PHTF1: variants seen among roughly 807,000 people sequenced by gnomAD.
PHTF1 encodes the protein protein PHTF1.
PHTF1 carries 88 observed loss-of-function variants against 102.4 expected under a neutral mutation model. That is an observed-to-expected ratio of 0.86 (90% confidence interval 0.72 to 1.03). The LOEUF is 1.03. Ranked by LOEUF, PHTF1 falls within the 50% of genes least tolerant of loss-of-function variation. PHTF1 has a pLI of 0.00. For missense variants in PHTF1, 814 were observed against 909.5 expected, an observed-to-expected ratio of 0.89 and a Z score of 1.35; for synonymous variants, 289 against 305.2, an observed-to-expected ratio of 0.95 and a Z score of 0.55.
At chr1:113,748,352 T>G (rs1267028393) in intron 3 of PHTF1, among the ~76,000 whole-genome samples, 1 of 152,174 alleles carries the variant, frequency 6.6e-6, no homozygotes, top group Non-Finnish European at 1.5e-5. Flanking sequence ...TATTTATTAA[T>G]TTCTTCTTCT....
In PHTF1 at chr1:113,704,129, G is replaced by A. The variant is rs868253918; in HGVS notation, c.1842C>T (p.Ser614=). The change falls in exon 15 of 19, where the codon TCC becomes TCT. Residue 614 remains serine (S), a synonymous_variant. Transcript: ENST00000369604. The stretch of plus-strand genomic sequence containing the variant: ...TCGAAAGTGTCAGTAGGAAAACCGA[G>A]GATACAACCACATCAACTGAACGCT... The part of the protein sequence containing the change: ...GPQRSVDVVV[S]SVFLLTLSIA... The A allele has an allele frequency of 6.2e-7, 1 of 1,613,634 alleles. No individual in the cohort carries two copies. The highest frequency in any genetic ancestry group is 8.5e-7 in the Non-Finnish European group (1 of 1,179,644).
chr1:113,758,188 G>A (rs1659163917), intron 2 of PHTF1, among the ~76,000 whole-genome samples: 1 of 124,284 alleles, frequency 8.0e-6, no homozygotes, highest in South Asian at 2.5e-4. Flanking sequence ...CCGAGGTCGC[G>A]CCATCGCCCT....
At chr1:113,733,886 G>A (rs1186427890) in intron 5 of PHTF1, among the ~76,000 whole-genome samples, 1 of 152,198 alleles carries the variant, frequency 6.6e-6, no homozygotes, top group African/African-American at 2.4e-5. Flanking sequence ...GTGGAGACTA[G>A]ACGAATACTT....
chr1:113,710,544 A>G, intron 10 of PHTF1, 69 bp from the exon 11 acceptor site: 1 of 1,179,448 alleles, frequency 8.5e-7, no homozygotes, highest in East Asian at 2.5e-5. Context: ...AAATAAAATT[A>G]AAACAACTTA....
chr1:113,717,509 T>G (rs1652239652), intron 7 of PHTF1, among the ~76,000 whole-genome samples: 1 of 151,836 alleles, frequency 6.6e-6, no homozygotes, highest in South Asian at 2.1e-4. Flanking sequence ...AGGCTGAAAA[T>G]AAGGGGATGG....
chr1:113,713,322 G>C lies in PHTF1; in HGVS notation c.740C>G (p.Thr247Arg), dbSNP rs1469172317. The change falls in exon 8 of 19, where the codon ACA becomes AGA. Residue 247 changes from threonine (T) to arginine (R), a missense_variant. Coordinates refer to ENST00000369604, the MANE Select transcript of PHTF1 (RefSeq NM_001323043.2). ...QCRPEIRMWQ[T>R]REKAKFSDGE... Reference sequence around the variant, plus strand: ...ATCTGAAAATTTTGCTTTCTCTCTTGTTTGCCACATTCTAATCTCTGGTCG... The same window carrying C: ...ATCTGAAAATTTTGCTTTCTCTCTTCTTTGCCACATTCTAATCTCTGGTCG... 1 of 1,613,388 alleles carries C rather than the reference G, an allele frequency of 6.2e-7. No homozygotes were observed. The highest frequency in any genetic ancestry group is 1.3e-5 in the African/African-American group (1 of 74,838).
At position 113,720,696 on chromosome 1, in the gene PHTF1, C is replaced by A. The variant is rs1327335665; in HGVS notation, c.623+4063G>T. On this transcript the variant is annotated intron_variant, in intron 7 of 18. Coordinates refer to ENST00000369604, the MANE Select transcript of PHTF1 (RefSeq NM_001323043.2). ...GCAAGCTATTGGTGGATCTACCATT[C>A]TGGGGTCTTGAGGACAGTGGCCCTC... 2.6e-5 allele frequency among the ~76,000 whole-genome samples: 4 copies of A among 152,172 alleles called. No homozygotes were observed. The East Asian group carries it at 7.7e-4, about 29-fold the overall frequency.
chr1:113,736,528 G>A (rs1046208236), intron 5 of PHTF1, among the ~76,000 whole-genome samples: 1 of 151,264 alleles, frequency 6.6e-6, no homozygotes. Context: ...GTGGATCACC[G>A]GAGGTCAGGA....
chr1:113,700,718 G>A, intron 16 of PHTF1, 76 bp downstream of exon 16: 3 of 1,377,072 alleles, frequency 2.2e-6, no homozygotes, highest in Non-Finnish European at 3.0e-6. Flanking sequence ...ATTAAACCCT[G>A]AATCCTCTGC....
chr1:113,757,866 A>G (rs1659111334), intron 2 of PHTF1, 111 bp from the exon 3 acceptor site: 1 of 692,212 alleles, frequency 1.4e-6, no homozygotes, highest in Non-Finnish European at 2.6e-6. Context: ...GCTATGTGGA[A>G]AATATGCTTC....
chr1:113,727,653 T>C (rs1457400720), intron 5 of PHTF1, among the ~76,000 whole-genome samples: 5 of 152,172 alleles, frequency 3.3e-5, no homozygotes, highest in Non-Finnish European at 7.3e-5. Flanking sequence ...ATCATCTCAA[T>C]TGACAGTTAT....
chr1:113,711,270 A>G (rs2295853), intron 10 of PHTF1, among the ~76,000 whole-genome samples: 114,734 of 152,078 alleles, frequency 0.75, 43,988 homozygotes, highest in African/African-American at 0.86. Flanking sequence ...CAATTGCCTT[A>G]TTAATCAAAA....
chr1:113,698,680 G>A (rs1649109002), intron 17 of PHTF1, among the ~76,000 whole-genome samples: 1 of 149,686 alleles, frequency 6.7e-6, no homozygotes, highest in South Asian at 2.1e-4. Context: ...TATAAAATAT[G>A]ACAGACATCA....
In PHTF1 at chr1:113,748,046, C is replaced by T. The variant is rs139103865; in HGVS notation, c.103-9247G>A. Among the ~76,000 whole-genome samples the T allele has an allele frequency of 4.1e-4, 62 of 152,284 alleles. No individual in the cohort carries two copies. The East Asian group carries it at 9.6e-3, about 24-fold the overall frequency. On this transcript the variant is annotated intron_variant, in intron 3 of 18. Coordinates refer to ENST00000369604, the MANE Select transcript of PHTF1 (RefSeq NM_001323043.2). ...AGGCTAGAGTGCAGTGTTGTATTCA[C>T]GGCTCTCTGCACCTTTGAACTCCCA...
chr1:113,705,211 G>A (rs987036464), intron 13 of PHTF1, among the ~76,000 whole-genome samples: 8 of 152,192 alleles, frequency 5.3e-5, no homozygotes, highest in Non-Finnish European at 8.8e-5. Flanking sequence ...GAGGAAAGAC[G>A]GGCGGATAAC....
At chr1:113,702,403 TAA>T (rs1369756246) in intron 15 of PHTF1, among the ~76,000 whole-genome samples, 7 of 151,746 alleles carry the variant, frequency 4.6e-5, no homozygotes, top group Middle Eastern at 3.4e-3. Context: ...GTAATAACAT[TAA>T]GTTTAAATGG....
chr1:113,701,277 C>G (rs1111695), intron 15 of PHTF1, among the ~76,000 whole-genome samples: 1 of 151,938 alleles, frequency 6.6e-6, no homozygotes, highest in Non-Finnish European at 1.5e-5. Flanking sequence ...AAAGTAATAA[C>G]TTTGCTTTAT....
In PHTF1 at chr1:113,738,096, A is replaced by C. The variant is rs1372872572; in HGVS notation, c.331+14T>G. On this transcript the variant is annotated intron_variant, in intron 5 of 18. Coordinates refer to ENST00000369604, the MANE Select transcript of PHTF1 (RefSeq NM_001323043.2). ...AAAGAAACTGTCATTGCTTATTCCA[A>C]TTTCTCCAATTACCTTGCATGAAAT... is the stretch of plus-strand genomic sequence containing the variant. The C allele has an allele frequency of 2.5e-6, 4 of 1,579,896 alleles. No homozygotes were observed. Among genetic ancestry groups the C allele is most frequent in the African/African-American group, 1.4e-5 (1 of 74,018 alleles).
chr1:113,704,183 C>CA lies in PHTF1; in HGVS notation c.1804-17dup, dbSNP rs1649774735. On this transcript the variant is annotated splice_polypyrimidine_tract_variant and intron_variant, in intron 14 of 18. Transcript: ENST00000369604. ...GCCCCCGTCTCTGTGGAGTGAGACACATGTGTTAATGTTTTAGTTACTGGC... is the reference window on the plus strand; with the variant it reads ...GCCCCCGTCTCTGTGGAGTGAGACACAATGTGTTAATGTTTTAGTTACTGGC... 1 of 1,578,320 alleles carries CA rather than the reference C, an allele frequency of 6.3e-7. No homozygotes were observed. Among genetic ancestry groups the CA allele is most frequent in the African/African-American group, 1.3e-5 (1 of 74,082 alleles).
Sources: gnomAD v4.1 joint callset for allele counts (sites outside exome capture counted in the v4.1 genomes callset) on GRCh38, gnomAD v4.1.1 for gene constraint, MANE v1.5 for transcripts, NCBI Gene and HGNC (gene_info 2026-07-23, HGNC 2026-07-21) for gene names.